SETBP1: variants seen among roughly 807,000 people sequenced by gnomAD.
The protein encoded by SETBP1 is SET binding protein 1.
In SETBP1, 9 loss-of-function variants were observed where a neutral mutation model predicts 101.0. The ratio of observed to expected loss-of-function variants is 0.09; its 90% CI spans 0.05 to 0.16. SETBP1 has a LOEUF of 0.16. SETBP1 is among the 10% of genes least tolerant of loss of function. The probability of loss-of-function intolerance (pLI) is 1.00; values close to 1 mark genes in which losing one functional copy is unlikely to be tolerated. For missense variants in SETBP1, 1,858 were observed against 2,033.8 expected (o/e 0.91, Z 1.66); for synonymous variants, 818 against 788.5 (o/e 1.04, Z -0.63).
At chr18:44,880,715 G>T (rs908992533) in intron 3 of SETBP1, among the ~76,000 whole-genome samples, 1 of 152,104 alleles carries the variant, frequency 6.6e-6, no homozygotes, top group Non-Finnish European at 1.5e-5. Flanking sequence ...GCGAGTAGGG[G>T]CAGAGGTGCC....
chr18:44,942,635 T>G (rs187277544), intron 3 of SETBP1, among the ~76,000 whole-genome samples: 22 of 152,284 alleles, frequency 1.4e-4, no homozygotes, highest in African/African-American at 5.3e-4. Context: ...TCTCAGCCTG[T>G]GTTGTCTATT....
chr18:44,816,753 A>G (rs879364310), intron 2 of SETBP1, among the ~76,000 whole-genome samples: 2 of 152,098 alleles, frequency 1.3e-5, no homozygotes, highest in Non-Finnish European at 2.9e-5. Context: ...CTAAATTTTT[A>G]TTCTTCTGGA....
chr18:45,038,701 TG>T, intron 5 of SETBP1, 46 bp downstream of exon 5: 2 of 1,605,758 alleles, frequency 1.2e-6, no homozygotes, highest in Non-Finnish European at 1.7e-6. Context: ...GCAAGATGAA[TG>T]TGGAGAAAGC....
At chr18:44,712,418 G>A (rs2069367543) in intron 2 of SETBP1, among the ~76,000 whole-genome samples, 1 of 151,350 alleles carries the variant, frequency 6.6e-6, no homozygotes, top group Non-Finnish European at 1.5e-5. Context: ...TTTGTTTAGT[G>A]TTGTTCATGA....
chr18:44,871,571 C>G (rs951156967), intron 3 of SETBP1: 1 of 152,166 alleles, frequency 6.6e-6, no homozygotes, highest in South Asian at 2.1e-4. Context: ...GCTTTAGACT[C>G]TTAAGGAAGA....
intron 3 of SETBP1, among the ~76,000 whole-genome samples, chr18:44,924,956 G>A (rs2070665928): frequency 6.7e-6 from 1 of 149,636 alleles, no homozygotes; most frequent in African/African-American, 2.5e-5. Context: ...AGCTTAGGCA[G>A]CCTCTCTCCA....
chr18:44,945,930 C>T (rs2071195637), intron 3 of SETBP1, among the ~76,000 whole-genome samples: 1 of 152,176 alleles, frequency 6.6e-6, no homozygotes, highest in South Asian at 2.1e-4. Context: ...TTGCGGCTTG[C>T]CTTATCCATC....
chr18:44,950,571 C>T lies in SETBP1; in HGVS notation c.1231C>T (p.Leu411=). 1 of 1,614,114 alleles carries T rather than the reference C, an allele frequency of 6.2e-7. No homozygotes were observed. Among genetic ancestry groups the T allele is most frequent in the Non-Finnish European group, 8.5e-7 (1 of 1,180,038 alleles). ...TACTATCCCCATCAAGGCACCCTCTCTGGATCCAACCAACCATAAGAGGAA... is the reference window on the plus strand; with the variant it reads ...TACTATCCCCATCAAGGCACCCTCTTTGGATCCAACCAACCATAAGAGGAA... ...RITIPIKAPS[L]DPTNHKRKKR... The change falls in exon 4 of 6, where the codon CTG becomes TTG. Residue 411 remains leucine (L), a synonymous_variant. Coordinates refer to ENST00000649279, the MANE Select transcript of SETBP1 (RefSeq NM_015559.3).
chr18:44,923,731 G>A (rs899844361), intron 3 of SETBP1, among the ~76,000 whole-genome samples: 1 of 152,154 alleles, frequency 6.6e-6, no homozygotes, highest in Non-Finnish European at 1.5e-5. Flanking sequence ...GGACATGATT[G>A]ATTACTTAAC....
chr18:44,727,413 C>T lies in SETBP1; in HGVS notation c.486+25581C>T, dbSNP rs534087849. On this transcript the variant is annotated intron_variant, in intron 2 of 5. Transcript: ENST00000649279. ...TATCTTCCTGTGGTTCACAAAGACGCATTCAGATGACATTCTAAACTTGCT... is the reference window on the plus strand; with the variant it reads ...TATCTTCCTGTGGTTCACAAAGACGTATTCAGATGACATTCTAAACTTGCT... Among the ~76,000 whole-genome samples, 9 of 152,284 alleles carry T rather than the reference C, an allele frequency of 5.9e-5. No homozygotes were observed. In the South Asian group the frequency reaches 1.9e-3, roughly 32 times the overall value.
At chr18:45,001,904 G>A (rs1042840703) in intron 4 of SETBP1, among the ~76,000 whole-genome samples, 11 of 152,086 alleles carry the variant, frequency 7.2e-5, no homozygotes, top group African/African-American at 2.7e-4. Context: ...GTCAGGGTGG[G>A]ATTTTATCCC....
intron 4 of SETBP1, among the ~76,000 whole-genome samples, chr18:44,954,110 C>G (rs2071428897): frequency 6.6e-6 from 1 of 152,108 alleles, no homozygotes; most frequent in African/African-American, 2.4e-5. Flanking sequence ...ATGCTGGTTG[C>G]TACTAGAAGG....
chr18:44,729,732 G>T (rs1331675149), intron 2 of SETBP1, among the ~76,000 whole-genome samples: 2 of 152,172 alleles, frequency 1.3e-5, no homozygotes, highest in Non-Finnish European at 2.9e-5. Flanking sequence ...GGGATAGCTT[G>T]TAAAGTCTTA....
intron 4 of SETBP1, among the ~76,000 whole-genome samples, chr18:44,960,455 C>G (rs894466621): frequency 1.3e-5 from 2 of 152,088 alleles, no homozygotes; most frequent in African/African-American, 4.8e-5. Context: ...CCACCTCAGG[C>G]CCCCAAGTAG....
chr18:44,937,406 G>C (rs1320222002), intron 3 of SETBP1, among the ~76,000 whole-genome samples: 3 of 134,598 alleles, frequency 2.2e-5, no homozygotes, highest in Non-Finnish European at 4.6e-5. Flanking sequence ...AGTGAGCCGA[G>C]ATCCCGCCAC....
chr18:45,063,195 G>A lies in SETBP1; in HGVS notation c.4288G>A (p.Val1430Met), dbSNP rs2145592862. The stretch of plus-strand genomic sequence containing the variant: ...GTCCACCAAGAAGAACCTGGACCAC[G>A]TGAACAAGATCCTGAAGGCCAAGCG... ...ILSTKKNLDH[V>M]NKILKAKRLQ... Residue 1430 changes from valine (V) to methionine (M), a missense_variant, in exon 6 of 6, where the codon GTG becomes ATG. Coordinates refer to ENST00000649279, the MANE Select transcript of SETBP1 (RefSeq NM_015559.3). 1.2e-6 allele frequency: 2 copies of A among 1,613,974 alleles called. No individual in the cohort carries two copies. The highest frequency in any genetic ancestry group is 1.7e-6 in the Non-Finnish European group (2 of 1,179,984).
At chr18:44,736,260 T>TGA (rs1415887646) in intron 2 of SETBP1, among the ~76,000 whole-genome samples, 3 of 152,100 alleles carry the variant, frequency 2.0e-5, no homozygotes, top group Admixed American at 2.0e-4. Flanking sequence ...ACGTCTGTCA[T>TGA]CCCAGCTACT....
At chr18:45,022,932 G>A (rs943880656) in intron 4 of SETBP1, among the ~76,000 whole-genome samples, 1 of 152,196 alleles carries the variant, frequency 6.6e-6, no homozygotes, top group African/African-American at 2.4e-5. Flanking sequence ...TCACATTTAA[G>A]CCTGGGGGAT....
At chr18:44,989,759 C>T (rs2072317145) in intron 4 of SETBP1, among the ~76,000 whole-genome samples, 2 of 149,074 alleles carry the variant, frequency 1.3e-5, no homozygotes, top group African/African-American at 4.9e-5. Flanking sequence ...GTCCCAGCTA[C>T]TTGGGAGGCT....
Sources: gnomAD v4.1 joint callset for allele counts (sites outside exome capture counted in the v4.1 genomes callset) on GRCh38, gnomAD v4.1.1 for gene constraint, MANE v1.5 for transcripts, NCBI Gene and HGNC (gene_info 2026-07-23, HGNC 2026-07-21) for gene names.